NRG1: variants seen among roughly 807,000 people sequenced by gnomAD.
NRG1 encodes neuregulin 1, also known as pro-neuregulin-1, membrane-bound isoform.
Under a neutral mutation model 63.8 loss-of-function variants are expected in NRG1, and 18 were observed. The ratio of observed to expected loss-of-function variants is 0.28; its 90% CI spans 0.19 to 0.42. The LOEUF (loss-of-function observed/expected upper bound fraction) is 0.42, where lower values mean the gene tolerates loss of function less well. Among genes scored for constraint, NRG1 ranks in the 10% least tolerant of loss-of-function variants. The probability of loss-of-function intolerance (pLI) is 1.00; values close to 1 mark genes in which losing one functional copy is unlikely to be tolerated. For synonymous variants in NRG1, 302 were observed against 301.3 expected, an observed-to-expected ratio of 1.00 and a Z score of -0.02; for missense variants, 762 against 814.7, an observed-to-expected ratio of 0.94 and a Z score of 0.79.
intron 1 of NRG1, among the ~76,000 whole-genome samples, chr8:31,994,455 C>A (rs1287378720): frequency 6.6e-6 from 1 of 151,612 alleles, no homozygotes; most frequent in African/African-American, 2.4e-5. Flanking sequence ...GAGTTCAAGA[C>A]CAGCCTGGGT....
chr8:32,168,390 T>C (rs1345050735), intron 1 of NRG1, among the ~76,000 whole-genome samples: 2 of 152,228 alleles, frequency 1.3e-5, no homozygotes, highest in African/African-American at 4.8e-5. Context: ...CTGGTGTGCA[T>C]GTTCTCAATG....
At chr8:32,765,261 G>A (rs760420421) in exon 12 of NRG1, 6 of 151,984 alleles carry the variant, frequency 3.9e-5, no homozygotes, top group Non-Finnish European at 7.4e-5. Flanking sequence ...ATCAAAACAC[G>A]GCTGATAAAG....
intron 1 of NRG1, among the ~76,000 whole-genome samples, chr8:31,762,940 T>C (rs7820757): frequency 0.035 from 5,329 of 152,194 alleles, 334 homozygotes; most frequent in African/African-American, 0.12. Context: ...TAAAAATTCG[T>C]AATAAAACAT....
intron 1 of NRG1, chr8:31,639,811 T>G (rs1365648502): frequency 1.6e-5 from 19 of 1,204,816 alleles, no homozygotes; most frequent in Non-Finnish European, 1.9e-5. Flanking sequence ...TTCTTCCCCC[T>G]CCTCCTCCCA....
intron 7 of NRG1, among the ~76,000 whole-genome samples, chr8:32,746,282 A>G (rs528339807): frequency 2.6e-5 from 4 of 152,218 alleles, no homozygotes; most frequent in South Asian, 2.1e-4. Flanking sequence ...AAAGACAGAC[A>G]CTAAATTGGT....
intron 1 of NRG1, among the ~76,000 whole-genome samples, chr8:32,475,463 C>A (rs1175864111): frequency 6.7e-3 from 549 of 81,556 alleles, no homozygotes; most frequent in South Asian, 7.6e-3. Context: ...GACTCTGTCT[C>A]AAAAAAAAAA....
At chr8:32,473,358 C>T (rs1164911274) in intron 1 of NRG1, among the ~76,000 whole-genome samples, 1 of 152,102 alleles carries the variant, frequency 6.6e-6, no homozygotes, top group East Asian at 1.9e-4. Flanking sequence ...CTTTTCGAGG[C>T]TCTTCATTTT....
chr8:31,718,693 T>C (rs1812607835), intron 1 of NRG1, among the ~76,000 whole-genome samples: 1 of 152,178 alleles, frequency 6.6e-6, no homozygotes, highest in South Asian at 2.1e-4. Flanking sequence ...CCTTTCTTGT[T>C]GAGGGGATGC....
intron 1 of NRG1, among the ~76,000 whole-genome samples, chr8:31,679,140 C>G (rs1397204320): frequency 6.6e-6 from 1 of 151,956 alleles, no homozygotes. Context: ...TCCAGATATC[C>G]ACATGTCTGT....
exon 12 of NRG1, chr8:32,767,489 C>T (rs1831520165): frequency 6.6e-6 from 1 of 152,186 alleles, no homozygotes; most frequent in African/African-American, 2.4e-5. Context: ...CCACATATCA[C>T]AAGTTCTATT....
chr8:31,715,696 G>A (rs909815657), intron 1 of NRG1, among the ~76,000 whole-genome samples: 16 of 152,120 alleles, frequency 1.1e-4, no homozygotes, highest in Non-Finnish European at 2.4e-4. Context: ...TGGGTGCGGG[G>A]AGCAAAACTT....
At chr8:32,416,302 C>A (rs1423023478) in intron 1 of NRG1, among the ~76,000 whole-genome samples, 2 of 115,214 alleles carry the variant, frequency 1.7e-5, no homozygotes, top group African/African-American at 6.9e-5. Context: ...CACCTTCCTT[C>A]CTCCCTCCCT....
At chr8:32,235,501 A>G (rs960116741) in intron 1 of NRG1, among the ~76,000 whole-genome samples, 9 of 152,144 alleles carry the variant, frequency 5.9e-5, no homozygotes, top group African/African-American at 9.7e-5. Flanking sequence ...TGTTTACATA[A>G]ATAGCATCTT....
chr8:32,614,484 T>A (rs756779664), intron 3 of NRG1, 30 bp from the exon 4 acceptor site: 1 of 1,610,160 alleles, frequency 6.2e-7, no homozygotes, highest in Non-Finnish European at 8.5e-7. Context: ...TGTTTATATA[T>A]CATAATGTCC....
At chr8:32,652,766 T>C (rs1588994713) in intron 5 of NRG1, among the ~76,000 whole-genome samples, 1 of 152,294 alleles carries the variant, frequency 6.6e-6, no homozygotes, top group Non-Finnish European at 1.5e-5. Flanking sequence ...TTTTCTTTAG[T>C]GTGCTTGATT....
chr8:32,604,578 T>C (rs1844933561), intron 2 of NRG1, among the ~76,000 whole-genome samples: 3 of 152,074 alleles, frequency 2.0e-5, no homozygotes, highest in African/African-American at 7.2e-5. Flanking sequence ...TTTTTGGAGA[T>C]AGGGGTCTCA....
intron 1 of NRG1, among the ~76,000 whole-genome samples, chr8:31,983,016 T>C (rs1276634485): frequency 6.6e-6 from 1 of 152,124 alleles, no homozygotes; most frequent in African/African-American, 2.4e-5. Context: ...TAGTGACTCA[T>C]TCAAGGTTGG....
intron 1 of NRG1, among the ~76,000 whole-genome samples, chr8:31,931,263 T>G (rs1253904388): frequency 6.6e-6 from 1 of 152,092 alleles, no homozygotes; most frequent in Non-Finnish European, 1.5e-5. Flanking sequence ...TACCATATAC[T>G]TCTCTTTTGG....
At chr8:31,925,992 G>A (rs1834329560) in intron 1 of NRG1, among the ~76,000 whole-genome samples, 1 of 152,138 alleles carries the variant, frequency 6.6e-6, no homozygotes, top group Admixed American at 6.5e-5. Context: ...TGTATGCTTG[G>A]TAATTTTGGA....
Sources: gnomAD v4.1 joint callset for allele counts (sites outside exome capture counted in the v4.1 genomes callset) on GRCh38, gnomAD v4.1.1 for gene constraint, MANE v1.5 for transcripts, NCBI Gene and HGNC (gene_info 2026-07-23, HGNC 2026-07-21) for gene names.